MYH1: variants seen among roughly 807,000 people sequenced by gnomAD.
MYH1 encodes the protein myosin-1.
Under a neutral mutation model 225.6 loss-of-function variants are expected in MYH1, and 214 were observed. The ratio of observed to expected loss-of-function variants is 0.95; its 90% CI spans 0.85 to 1.06. MYH1 has a LOEUF of 1.06. Ranked by LOEUF, MYH1 falls within the 50% of genes least tolerant of loss-of-function variation. MYH1 has a pLI of 0.00. For synonymous variants in MYH1, 774 were observed against 842.3 expected, an observed-to-expected ratio of 0.92 and a Z score of 1.40; for missense variants, 2,098 against 2,344.2, an observed-to-expected ratio of 0.89 and a Z score of 2.17.
chr17:10,500,773 A>G, intron 27 of MYH1, 21 bp from the exon 28 acceptor site: 1 of 1,614,062 alleles, frequency 6.2e-7, no homozygotes, highest in Non-Finnish European at 8.5e-7. Context: ...AAAGTGGTAG[A>G]AGGCATCTCA....
At chr17:10,495,451 G>C in intron 35 of MYH1, 134 bp from the exon 36 acceptor site, 1 of 1,272,770 alleles carries the variant, frequency 7.9e-7, no homozygotes, top group Non-Finnish European at 1.1e-6. Context: ...AATTATCTGA[G>C]TTGACATATG....
chr17:10,495,934 C>A lies in MYH1; in HGVS notation c.5169+16G>T, dbSNP rs760991352. ...TCATACCCTTGTATTTGTTGCTATT[C>A]TATTATTACATGCACCTGGGTGTGC... On this transcript the variant is annotated intron_variant, in intron 35 of 39. Coordinates refer to ENST00000226207, the MANE Select transcript of MYH1 (RefSeq NM_005963.4). 40 of 1,613,916 alleles carry A rather than the reference C, an allele frequency of 2.5e-5. 1 individual carries two copies. In the South Asian group the frequency reaches 3.8e-4, roughly 16 times the overall value.
At chr17:10,506,147 C>A (rs774624456) in intron 17 of MYH1, 48 bp from the exon 18 acceptor site, 10 of 1,601,852 alleles carry the variant, frequency 6.2e-6, no homozygotes, top group Non-Finnish European at 8.5e-6. Flanking sequence ...CTGTTTTCTA[C>A]ATTCATATTT....
chr17:10,497,227 A>G, intron 32 of MYH1, 34 bp from the exon 33 acceptor site: 3 of 1,595,980 alleles, frequency 1.9e-6, no homozygotes, highest in Middle Eastern at 1.7e-4. Context: ...AAATTTGTTT[A>G]TAGTTGGAAA....
chr17:10,504,844 T>G lies in MYH1; in HGVS notation c.2657A>C (p.Gln886Pro), dbSNP rs550672109. Residue 886 changes from glutamine (Q) to proline (P), a missense_variant, in exon 22 of 40, where the codon CAA (glutamine) becomes CCA (proline). By Grantham distance (76) the Gln-to-Pro change is moderately conservative. Coordinates refer to ENST00000226207, the MANE Select transcript of MYH1 (RefSeq NM_005963.4). ...ELEEKMVTLM[Q>P]EKNDLQLQVQ... is the part of the protein sequence containing the mutation. Reference sequence around the variant, plus strand: ...CTGGAGTTGCAAGTCATTTTTTTCTTGCATCAGAGTAACCATTTTTTCTTC... The same window carrying G: ...CTGGAGTTGCAAGTCATTTTTTTCTGGCATCAGAGTAACCATTTTTTCTTC... 6.2e-7 allele frequency: 1 copy of G among 1,614,076 alleles called. No individual in the cohort carries two copies. The highest frequency in any genetic ancestry group is 1.3e-5 in the African/African-American group (1 of 75,028).
chr17:10,500,859 A>G, intron 27 of MYH1, 107 bp from the exon 28 acceptor site: 1 of 1,510,640 alleles, frequency 6.6e-7, no homozygotes, highest in Admixed American at 1.9e-5. Flanking sequence ...TTATTTTGAG[A>G]AGAAACTATC....
intron 29 of MYH1, 58 bp downstream of exon 29, chr17:10,498,916 A>G: frequency 3.1e-6 from 5 of 1,603,746 alleles, no homozygotes; most frequent in Non-Finnish European, 4.3e-6. Context: ...AGTCTGTAAA[A>G]GTAAGCGAAA....
At position 10,492,542 on chromosome 17, in the gene MYH1, G is replaced by A. The variant is rs774980211; in HGVS notation, c.5694C>T (p.Ser1898=). Residue 1898 remains serine, a synonymous_variant, in exon 40 of 40, where the codon TCC becomes TCT. Transcript: ENST00000226207. ...EAEEQSNVNL[S]KFRRIQHELE... is the part of the protein sequence containing the mutation. Reference sequence around the variant, plus strand: ...GCTCGTGCTGGATCCTGCGGAATTTGGAGAGGTTGACGTTGGATTGTTCCT... The same window carrying A: ...GCTCGTGCTGGATCCTGCGGAATTTAGAGAGGTTGACGTTGGATTGTTCCT... The A allele has an allele frequency of 9.3e-6, 15 of 1,613,834 alleles. No homozygotes were observed. In the South Asian group the frequency reaches 1.2e-4, roughly 13 times the overall value.
Position 10,508,370 on chromosome 17 carries a change from C to T in MYH1, c.1890G>A (p.Ala630=), listed in dbSNP as rs377184878. ...AATTATATTGATAATTACCTGCTTCCGCTCCCGTTGCCCCAACAAAGAGGA... is the reference window on the plus strand; with the variant it reads ...AATTATATTGATAATTACCTGCTTCTGCTCCCGTTGCCCCAACAAAGAGGA... ...LALLFVGATG[A]EAEAGGGKKG... Residue 630 remains alanine (A), a synonymous_variant, in exon 16 of 40, where the codon GCG becomes GCA. Coordinates refer to ENST00000226207, the MANE Select transcript of MYH1 (RefSeq NM_005963.4). 2.8e-5 allele frequency: 45 copies of T among 1,597,912 alleles called. No individual in the cohort carries two copies. Among genetic ancestry groups the T allele is most frequent in the African/African-American group, 6.8e-5 (5 of 73,854 alleles).
rs527419998 is a variant in MYH1 at position 10,505,264 on chromosome 17, C to T, written c.2334G>A (p.Glu778=). 12 of 1,614,214 alleles carry T rather than the reference C, an allele frequency of 7.4e-6. No homozygotes were observed. The African/African-American group carries it at 1.6e-4, about 22-fold the overall frequency. The part of the protein sequence containing the change: ...FFKAGLLGLL[E]EMRDEKLAQL... ...GGGCCAGCTTCTCATCTCGCATCTC[C>T]TCTAGGAGCCCCAGAAGACCAGCTT... Residue 778 remains glutamate (E), a synonymous_variant, in exon 21 of 40, where the codon GAG becomes GAA. Transcript: ENST00000226207.
rs2073198513 is a variant in MYH1, at chr17:10,513,917, C to A, written c.649-4G>T. ...TGATTTGATCTTCCAGAGTCCCCTG[C>A]AAAGGCAAGAGCAGTCCTTGCATCT... On this transcript the variant is annotated splice_polypyrimidine_tract_variant and splice_region_variant and intron_variant, in intron 7 of 39. Transcript: ENST00000226207. 2 of 1,613,978 alleles carry A rather than the reference C, an allele frequency of 1.2e-6. No homozygotes were observed. Among genetic ancestry groups the A allele is most frequent in the African/African-American group, 2.7e-5 (2 of 74,926 alleles).
chr17:10,517,672 T>C (rs1324272736), intron 2 of MYH1, among the ~76,000 whole-genome samples: 1 of 152,162 alleles, frequency 6.6e-6, no homozygotes, highest in African/African-American at 2.4e-5. Context: ...CTGAATATGC[T>C]GACAATCATG....
At position 10,499,009 on chromosome 17, in the gene MYH1, C is replaced by A; in HGVS notation, c.3949G>T (p.Glu1317Ter). The A allele has an allele frequency of 6.2e-7, 1 of 1,614,006 alleles. No homozygotes were observed. Among genetic ancestry groups the A allele is most frequent in the Non-Finnish European group, 8.5e-7 (1 of 1,179,876 alleles). Residue 1317 changes from glutamate to a stop codon, truncating the protein, a stop_gained, in exon 29 of 40, where the codon GAG becomes TAG. Transcript: ENST00000226207. LOFTEE classifies it high-confidence loss of function. Reference protein sequence around the residue: ...RGKQAFTQQIEELKRQLEEEI... With the variant: ...RGKQAFTQQI Reference sequence around the variant, plus strand: ...TCTTCAAGTTGCCTTTTCAGTTCCTCAATCTGTTGTGTAAAGGCTTGTTTG... The same window carrying A: ...TCTTCAAGTTGCCTTTTCAGTTCCTAAATCTGTTGTGTAAAGGCTTGTTTG...
In MYH1 at chr17:10,516,606, C is replaced by G. The variant is rs754932067; in HGVS notation, c.37G>C (p.Ala13Pro). 6.2e-7 allele frequency: 1 copy of G among 1,614,082 alleles called. No homozygotes were observed. Among genetic ancestry groups the G allele is most frequent in the African/African-American group, 1.3e-5 (1 of 74,920 alleles). ...TCAGACTTTCGGAGGAAAGGAGCAG[C>G]CTCCCCAAAAATGGCCATCTCAGAG... The part of the protein sequence containing the change: ...SDSEMAIFGE[A>P]APFLRKSERE... Residue 13 changes from alanine to proline, a missense_variant, in exon 3 of 40, where the codon GCT becomes CCT. Transcript: ENST00000226207.
At position 10,516,577 on chromosome 17, in the gene MYH1, C is replaced by T. The variant is rs762025820; in HGVS notation, c.66G>A (p.Arg22=). ...GCTTGTTCTGGGCTTCAATTCGCTC[C>T]CTTTCAGACTTTCGGAGGAAAGGAG... ...EAAPFLRKSE[R]ERIEAQNKPF... is the part of the protein sequence containing the mutation. Residue 22 remains arginine, a synonymous_variant, in exon 3 of 40, where the codon AGG becomes AGA. Transcript: ENST00000226207. 2 of 1,614,040 alleles carry T rather than the reference C, an allele frequency of 1.2e-6. No individual in the cohort carries two copies. Among genetic ancestry groups the T allele is most frequent in the Non-Finnish European group, 8.5e-7 (1 of 1,180,048 alleles).
chr17:10,507,805 G>T, intron 17 of MYH1, 81 bp downstream of exon 17: 1 of 1,165,634 alleles, frequency 8.6e-7, no homozygotes, highest in Non-Finnish European at 1.3e-6. Context: ...TAGAATCCTT[G>T]CAAGGTTAGT....
chr17:10,500,900 T>C, intron 27 of MYH1, 148 bp from the exon 28 acceptor site: 1 of 1,370,840 alleles, frequency 7.3e-7, no homozygotes, highest in Non-Finnish European at 9.9e-7. Flanking sequence ...AGGTCTTAGA[T>C]AGTGAATGGA....
At chr17:10,512,595 A>G (rs754574127) in intron 11 of MYH1, 49 bp from the exon 12 acceptor site, 5 of 1,613,054 alleles carry the variant, frequency 3.1e-6, no homozygotes, top group Non-Finnish European at 4.2e-6. Flanking sequence ...GAGAATTTAT[A>G]CTGTATCTTT....
intron 5 of MYH1, 66 bp from the exon 6 acceptor site, chr17:10,514,961 AAC>A: frequency 1.1e-5 from 16 of 1,402,522 alleles, no homozygotes; most frequent in Non-Finnish European, 1.6e-5. Context: ...TCTATAGTGA[AAC>A]AGGGCATTTG....
Sources: allele counts gnomAD v4.1 joint callset (sites outside exome capture counted in the v4.1 genomes callset), GRCh38; gene constraint gnomAD v4.1.1; transcripts MANE v1.5; gene names NCBI Gene and HGNC (gene_info 2026-07-23, HGNC 2026-07-21).